Variants in ZNF710 observed in about 807,000 individuals in gnomAD.
The protein encoded by ZNF710 is zinc finger protein 710.
A neutral mutation model predicts 50.6 loss-of-function variants in ZNF710; 13 were observed. The ratio of observed to expected loss-of-function variants is 0.26; its 90% CI spans 0.17 to 0.41. The LOEUF is 0.41. Ranked by LOEUF, ZNF710 falls within the 10% of genes least tolerant of loss-of-function variation. ZNF710 has a pLI of 1.00. For missense variants in ZNF710, 721 were observed against 936.6 expected (o/e 0.77, Z 3.01); for synonymous variants, 383 against 397.0 (o/e 0.96, Z 0.42).
At chr15:90,072,712 C>T (rs543240740) in intron 2 of ZNF710, among the ~76,000 whole-genome samples, 16 of 152,216 alleles carry the variant, frequency 1.1e-4, no homozygotes, top group South Asian at 6.2e-4. Flanking sequence ...AGCAGGTGCC[C>T]GGTAAATGGT....
chr15:90,010,940 T>G (rs1302163028), intron 1 of ZNF710, among the ~76,000 whole-genome samples: 1 of 145,622 alleles, frequency 6.9e-6, no homozygotes, highest in Non-Finnish European at 1.5e-5. Flanking sequence ...TTTTTTTTTT[T>G]TTTTTTTTGA....
intron 1 of ZNF710, among the ~76,000 whole-genome samples, chr15:90,044,514 TG>T (rs1234340282): frequency 6.6e-6 from 1 of 152,142 alleles, no homozygotes; most frequent in Non-Finnish European, 1.5e-5. Context: ...CCCGCCACCT[TG>T]GGTTTGGCAG....
At chr15:90,046,224 A>C (rs1899456372) in intron 1 of ZNF710, among the ~76,000 whole-genome samples, 2 of 151,924 alleles carry the variant, frequency 1.3e-5, no homozygotes, top group Admixed American at 1.3e-4. Context: ...GGCCGGCAGG[A>C]CCCTCCCAAG....
At chr15:90,052,837 G>A (rs1390156464) in intron 1 of ZNF710, among the ~76,000 whole-genome samples, 2 of 152,248 alleles carry the variant, frequency 1.3e-5, no homozygotes, top group East Asian at 1.9e-4. Context: ...GGAGGCTGAG[G>A]CAGGGGAATC....
chr15:90,071,106 C>CA (rs1900365132), intron 2 of ZNF710, among the ~76,000 whole-genome samples: 2 of 151,892 alleles, frequency 1.3e-5, no homozygotes, highest in Admixed American at 1.3e-4. Flanking sequence ...ACTAAAAATA[C>CA]AAAAATTAGT....
At chr15:90,019,187 C>CTTTTTTATTTTTTTTTTT (rs1898539689) in intron 1 of ZNF710, among the ~76,000 whole-genome samples, 1 of 89,388 alleles carries the variant, frequency 1.1e-5, no homozygotes, top group Non-Finnish European at 2.1e-5. Flanking sequence ...CTTTTTCTTT[C>CTTTTTTATTTTTTTTTTT]TTTTTTTTTT....
At chr15:90,052,268 G>C (rs568483599) in intron 1 of ZNF710, among the ~76,000 whole-genome samples, 1 of 152,196 alleles carries the variant, frequency 6.6e-6, no homozygotes, top group Admixed American at 6.5e-5. Flanking sequence ...TGTCGCAGGG[G>C]ACTTGATCCC....
At chr15:90,061,526 G>C (rs1900008210) in intron 1 of ZNF710, among the ~76,000 whole-genome samples, 1 of 152,122 alleles carries the variant, frequency 6.6e-6, no homozygotes, top group South Asian at 2.1e-4. Flanking sequence ...AGAGTGTCCA[G>C]GTGGCCACAA....
At chr15:90,029,116 C>T (rs1038085560) in intron 1 of ZNF710, among the ~76,000 whole-genome samples, 1 of 152,178 alleles carries the variant, frequency 6.6e-6, no homozygotes, top group Admixed American at 6.5e-5. Flanking sequence ...GTTTATTGCT[C>T]TTACTTTTTC....
At chr15:90,003,737 G>T (rs1410514574) in intron 1 of ZNF710, among the ~76,000 whole-genome samples, 1 of 152,084 alleles carries the variant, frequency 6.6e-6, no homozygotes, top group African/African-American at 2.4e-5. Flanking sequence ...CTTTCTCATT[G>T]GTTTTATTAG....
chr15:90,074,052 T>TGG, intron 3 of ZNF710, 64 bp from the exon 4 acceptor site: 1 of 1,451,914 alleles, frequency 6.9e-7, no homozygotes, highest in Admixed American at 2.7e-5. Context: ...GAGGTGGGAG[T>TGG]GGGCTGGGGT....
intron 1 of ZNF710, among the ~76,000 whole-genome samples, chr15:90,050,722 C>G (rs962621800): frequency 6.6e-6 from 1 of 152,068 alleles, no homozygotes; most frequent in East Asian, 1.9e-4. Flanking sequence ...TATTGCCTCC[C>G]AAAGTGTCCA....
At chr15:90,071,078 T>C (rs895038367) in intron 2 of ZNF710, among the ~76,000 whole-genome samples, 1 of 151,844 alleles carries the variant, frequency 6.6e-6, no homozygotes, top group Non-Finnish European at 1.5e-5. Flanking sequence ...CTGGCCAACA[T>C]GGTGAAGCCC....
rs917038679 is a variant in ZNF710, at chr15:90,034,188, A to T, written c.-29+32574A>T. On this transcript the variant is annotated intron_variant, in intron 1 of 4. Coordinates refer to ENST00000268154, the MANE Select transcript of ZNF710 (RefSeq NM_198526.4). This position sits in a 1 kb window ranked among gnomAD's most constrained non-coding sequence, Gnocchi z 4.0. ...ACTCCAGCCTGGGTGACAGAGTGAG[A>T]CTCTGTCTCAAAAAAAAAGAAAAGA... Among the ~76,000 whole-genome samples the T allele has an allele frequency of 6.6e-6, 1 of 150,894 alleles. No individual in the cohort carries two copies. Among genetic ancestry groups the T allele is most frequent in the African/African-American group, 2.5e-5 (1 of 40,636 alleles).
intron 1 of ZNF710, among the ~76,000 whole-genome samples, chr15:90,024,729 G>A (rs977513537): frequency 5.9e-5 from 9 of 152,298 alleles, no homozygotes; most frequent in African/African-American, 1.9e-4. Context: ...TTCTTCTGAG[G>A]GTGGGCAGGT....
chr15:90,035,514 G>C (rs1899095293), intron 1 of ZNF710, among the ~76,000 whole-genome samples: 1 of 152,202 alleles, frequency 6.6e-6, no homozygotes, highest in Admixed American at 6.5e-5. Flanking sequence ...TTATGTGCCG[G>C]GACAGGATCA....
In ZNF710 at chr15:90,068,366, T is replaced by G. The variant is rs1596058215; in HGVS notation, c.1229T>G (p.Val410Gly). 1 of 1,612,572 alleles carries G rather than the reference T, an allele frequency of 6.2e-7. No individual in the cohort carries two copies. The highest frequency in any genetic ancestry group is 1.1e-5 in the South Asian group (1 of 91,064). The change falls in exon 2 of 5, where the codon GTC becomes GGC. Residue 410 changes from valine (V) to glycine (G), a missense_variant. Val to Gly is a moderately radical substitution (Grantham distance 109). Around this residue, in one of 3 missense-constraint regions of ZNF710, gnomAD observed 326 missense variants for 522.0 expected, o/e 0.62. Transcript: ENST00000268154. The surrounding 1 kb of genome is among the most constrained non-coding windows in gnomAD (Gnocchi z 5.0). ...KHESGRCHVC[V>G]ECGLDFSTLT... ...GAGAGTGGCCGCTGCCATGTCTGCGTCGAGTGCGGCCTGGACTTCTCCACC... is the reference window on the plus strand; with the variant it reads ...GAGAGTGGCCGCTGCCATGTCTGCGGCGAGTGCGGCCTGGACTTCTCCACC...
chr15:90,050,174 G>C (rs1311233267), intron 1 of ZNF710, among the ~76,000 whole-genome samples: 2 of 152,232 alleles, frequency 1.3e-5, no homozygotes, highest in Non-Finnish European at 2.9e-5. Flanking sequence ...TACTCCTCCT[G>C]GCATAAATCC....
rs982545621 is a variant in ZNF710, at chr15:90,034,452, G to C, written c.-28-32658G>C. On this transcript the variant is annotated intron_variant, in intron 1 of 4. Coordinates refer to ENST00000268154, the MANE Select transcript of ZNF710 (RefSeq NM_198526.4). This position sits in a 1 kb window ranked among gnomAD's most constrained non-coding sequence, Gnocchi z 4.0. The stretch of plus-strand genomic sequence containing the variant: ...CCTGTGTGTGTGTGTGTGTGTGTGT[G>C]TGTGTGTGTGTGTGTGTGTGTGTAT... Among the ~76,000 whole-genome samples the C allele has an allele frequency of 6.6e-6, 1 of 151,368 alleles. No individual in the cohort carries two copies. Among genetic ancestry groups the C allele is most frequent in the Admixed American group, 6.6e-5 (1 of 15,188 alleles).
Sources: allele counts gnomAD v4.1 joint callset (sites outside exome capture counted in the v4.1 genomes callset), GRCh38; gene constraint gnomAD v4.1.1; regional missense constraint gnomAD v4.1.1; non-coding constraint Gnocchi (gnomAD v3.1); transcripts MANE v1.5; gene names NCBI Gene and HGNC (gene_info 2026-07-23, HGNC 2026-07-21).